The following DNAJC5B variants were observed in gnomAD, a reference collection of about 807,000 sequenced individuals.
The protein encoded by DNAJC5B is dnaJ homolog subfamily C member 5B.
A neutral mutation model predicts 24.7 loss-of-function variants in DNAJC5B; 23 were observed. The ratio of observed to expected loss-of-function variants is 0.93; its 90% confidence interval spans 0.67 to 1.32. DNAJC5B has a LOEUF of 1.32. Ranked by LOEUF, DNAJC5B falls within the 40% of genes most tolerant of loss-of-function variation. The probability of loss-of-function intolerance (pLI) is 0.00; values close to 1 mark genes in which losing one functional copy is unlikely to be tolerated. For missense variants in DNAJC5B, 238 were observed against 240.8 expected (o/e 0.99, Z 0.08); for synonymous variants, 101 against 90.1 (o/e 1.12, Z -0.68).
intron 1 of DNAJC5B, among the ~76,000 whole-genome samples, chr8:66,043,257 T>G (rs564417664): frequency 6.6e-6 from 1 of 152,170 alleles, no homozygotes; most frequent in African/African-American, 2.4e-5. Flanking sequence ...AAAAAGGAAA[T>G]GAAGTTTGAA....
At chr8:66,099,766 A>G (rs1808032208) in intron 5 of DNAJC5B, among the ~76,000 whole-genome samples, 171 bp from the exon 6 acceptor site, 1 of 152,206 alleles carries the variant, frequency 6.6e-6, no homozygotes, top group African/African-American at 2.4e-5. Context: ...TGAATAGAGT[A>G]AAGACAGTGC....
At chr8:66,025,793 G>A in intron 1 of DNAJC5B, among the ~76,000 whole-genome samples, 1 of 31,956 alleles carries the variant, frequency 3.1e-5, no homozygotes, top group East Asian at 5.5e-4. Flanking sequence ...CTATATCTCT[G>A]TTTTGGTACC....
intron 5 of DNAJC5B, among the ~76,000 whole-genome samples, chr8:66,085,395 G>A (rs868465840): frequency 3.3e-5 from 5 of 152,070 alleles, no homozygotes; most frequent in Non-Finnish European, 5.9e-5. Flanking sequence ...AGCAGAGGTC[G>A]TGCCACTGCA....
At chr8:66,050,521 T>C (rs530232320) in intron 2 of DNAJC5B, among the ~76,000 whole-genome samples, 12 of 152,312 alleles carry the variant, frequency 7.9e-5, no homozygotes, top group South Asian at 2.1e-4. Context: ...CACCATCTGA[T>C]AGATAGTTCT....
At chr8:66,060,368 G>A (rs771309566) in intron 3 of DNAJC5B, among the ~76,000 whole-genome samples, 1 of 152,190 alleles carries the variant, frequency 6.6e-6, no homozygotes, top group Non-Finnish European at 1.5e-5. Context: ...GTACCCAGCT[G>A]GGGCTGTCAC....
intron 1 of DNAJC5B, among the ~76,000 whole-genome samples, chr8:66,039,540 G>C (rs1806562986): frequency 6.6e-6 from 1 of 151,938 alleles, no homozygotes; most frequent in Non-Finnish European, 1.5e-5. Flanking sequence ...AGTAGAGACG[G>C]GGTTTCATCA....
intron 3 of DNAJC5B, among the ~76,000 whole-genome samples, chr8:66,065,196 GTGT>G (rs1205552901): frequency 1.3e-5 from 2 of 152,198 alleles, no homozygotes; most frequent in East Asian, 3.8e-4. Context: ...TCTACGGTTC[GTGT>G]TGTTATCTCA....
intron 1 of DNAJC5B, among the ~76,000 whole-genome samples, chr8:66,027,513 T>C (rs906659976): frequency 3.3e-5 from 5 of 152,324 alleles, no homozygotes; most frequent in South Asian, 2.1e-4. Flanking sequence ...TGGAGTACTA[T>C]GGCATGTAAT....
At chr8:66,029,949 T>A (rs1437275030) in intron 1 of DNAJC5B, among the ~76,000 whole-genome samples, 1 of 152,204 alleles carries the variant, frequency 6.6e-6, no homozygotes, top group Non-Finnish European at 1.5e-5. Context: ...TGGATCTCAT[T>A]CATTTGTTAC....
chr8:66,034,846 T>C (rs1023155460), intron 1 of DNAJC5B, among the ~76,000 whole-genome samples: 26 of 152,218 alleles, frequency 1.7e-4, no homozygotes, highest in Admixed American at 1.4e-3. Context: ...TTTAGGGTAA[T>C]GGAGGCCCAG....
intron 3 of DNAJC5B, among the ~76,000 whole-genome samples, chr8:66,069,016 TA>T (rs1241696893): frequency 2.6e-5 from 4 of 152,018 alleles, no homozygotes; most frequent in Non-Finnish European, 5.9e-5. Flanking sequence ...AATAAAGACA[TA>T]TTTTTTTTTA....
At position 66,080,400 on chromosome 8, in the gene DNAJC5B, C is replaced by G; in HGVS notation, c.357C>G (p.Leu119=). Reference sequence around the variant, plus strand: ...AGGCCCTGTTTGTCATCGTTGGCCTCTTGACGGGCTGCTACTTTTGCTGCT... The same window carrying G: ...AGGCCCTGTTTGTCATCGTTGGCCTGTTGACGGGCTGCTACTTTTGCTGCT... The part of the protein sequence containing the change: ...WAKALFVIVG[L]LTGCYFCCCL... The change falls in exon 5 of 6, where the codon CTC becomes CTG. Residue 119 remains leucine, a synonymous_variant. Coordinates refer to ENST00000276570, the MANE Select transcript of DNAJC5B (RefSeq NM_033105.6). The G allele has an allele frequency of 6.2e-7, 1 of 1,613,666 alleles. No homozygotes were observed. The highest frequency in any genetic ancestry group is 1.1e-5 in the South Asian group (1 of 91,032).
At chr8:66,059,949 G>C (rs1807045277) in intron 3 of DNAJC5B, among the ~76,000 whole-genome samples, 1 of 152,208 alleles carries the variant, frequency 6.6e-6, no homozygotes, top group Non-Finnish European at 1.5e-5. Context: ...AGGCCCAGAA[G>C]CCTCTTCTGC....
chr8:66,087,991 G>A lies in DNAJC5B; in HGVS notation c.505+7443G>A, dbSNP rs539266681. On this transcript the variant is annotated intron_variant, in intron 5 of 5. Coordinates refer to ENST00000276570, the MANE Select transcript of DNAJC5B (RefSeq NM_033105.6). ...GGCAGTGCCCCAGTAGGGACTGTGT[G>A]TGGGGGCTCCAAACCCATATTTCCC... Among the ~76,000 whole-genome samples the A allele has an allele frequency of 3.0e-3, 457 of 152,324 alleles. 4 individuals carry two copies. Among genetic ancestry groups the A allele is most frequent in the African/African-American group, 0.011 (441 of 41,582 alleles).
At chr8:66,080,334 C>T (rs751328445) in intron 4 of DNAJC5B, 43 bp from the exon 5 acceptor site, 6 of 1,587,866 alleles carry the variant, frequency 3.8e-6, no homozygotes, top group Non-Finnish European at 5.1e-6. Context: ...CCCCTCACCC[C>T]ATCACCCCTC....
At chr8:66,076,447 T>G (rs926333879) in intron 3 of DNAJC5B, among the ~76,000 whole-genome samples, 1 of 152,176 alleles carries the variant, frequency 6.6e-6, no homozygotes, top group Admixed American at 6.5e-5. Flanking sequence ...TTTGGAAATG[T>G]GAGAGGAGAA....
At chr8:66,053,722 C>A (rs560669879) in intron 3 of DNAJC5B, among the ~76,000 whole-genome samples, 6 of 152,004 alleles carry the variant, frequency 3.9e-5, no homozygotes, top group Non-Finnish European at 7.4e-5. Flanking sequence ...CTCCGCCTCC[C>A]AGGTTCAAGC....
chr8:66,077,005 C>A, intron 4 of DNAJC5B, 132 bp downstream of exon 4: 2 of 847,658 alleles, frequency 2.4e-6, no homozygotes, highest in Non-Finnish European at 3.7e-6. Context: ...ATATTGCTTC[C>A]ACTGAATGCT....
intron 3 of DNAJC5B, among the ~76,000 whole-genome samples, chr8:66,062,988 T>G (rs1453872199): frequency 2.0e-5 from 3 of 152,198 alleles, no homozygotes; most frequent in African/African-American, 7.2e-5. Context: ...CCAGCCTACG[T>G]GGCAGAGTGA....
Sources: allele counts gnomAD v4.1 joint callset (sites outside exome capture counted in the v4.1 genomes callset), GRCh38; gene constraint gnomAD v4.1.1; transcripts MANE v1.5; gene names NCBI Gene and HGNC (gene_info 2026-07-23, HGNC 2026-07-21).